The following ENTREP2 variants were observed in gnomAD, a reference collection of about 807,000 sequenced individuals.
ENTREP2 encodes the protein protein ENTREP2.
At chr15:29,540,504 T>C in the ENTREP2 span, among the ~76,000 whole-genome samples, 1 of 152,176 alleles carries the variant, frequency 6.6e-6, no homozygotes, top group Non-Finnish European at 1.5e-5. Flanking sequence ...TTCTTAGGCA[T>C]CACACAAGAG....
At chr15:29,562,989 G>A in the ENTREP2 span, among the ~76,000 whole-genome samples, 1 of 151,926 alleles carries the variant, frequency 6.6e-6, no homozygotes, top group East Asian at 1.9e-4. Flanking sequence ...ACAGGGTTTT[G>A]CCACGTTGTC....
At chr15:29,125,540 C>T in the ENTREP2 span, among the ~76,000 whole-genome samples, 3 of 152,196 alleles carry the variant, frequency 2.0e-5, no homozygotes, top group African/African-American at 7.2e-5. Flanking sequence ...TGAGCCAGGA[C>T]CCACTGCGCC....
At chr15:29,522,961 G>A in the ENTREP2 span, among the ~76,000 whole-genome samples, 1 of 152,186 alleles carries the variant, frequency 6.6e-6, no homozygotes, top group Non-Finnish European at 1.5e-5. Flanking sequence ...TGAAACGTCT[G>A]TAGGTCCTTT....
chr15:29,620,731 T>C, the ENTREP2 span, among the ~76,000 whole-genome samples: 2 of 151,890 alleles, frequency 1.3e-5, no homozygotes, highest in East Asian at 3.9e-4. Flanking sequence ...GAAGAAGGAG[T>C]TCATGGAAAC....
chr15:29,580,879 T>C, the ENTREP2 span, among the ~76,000 whole-genome samples: 2 of 152,220 alleles, frequency 1.3e-5, no homozygotes. Context: ...TATATTGATG[T>C]CTTAAAATTA....
At chr15:29,135,222 A>G in the ENTREP2 span, among the ~76,000 whole-genome samples, 1 of 151,314 alleles carries the variant, frequency 6.6e-6, no homozygotes, top group East Asian at 1.9e-4. The surrounding 1 kb of genome is among the most constrained non-coding windows in gnomAD (Gnocchi z 7.4). Context: ...GGCCTCCAGG[A>G]CCTCCTTGGC....
At chr15:29,384,290 A>G in the ENTREP2 span, among the ~76,000 whole-genome samples, 1 of 151,988 alleles carries the variant, frequency 6.6e-6, no homozygotes, top group African/African-American at 2.4e-5. Context: ...TAATGCCATC[A>G]TGTTTTGAGC....
the ENTREP2 span, among the ~76,000 whole-genome samples, chr15:29,545,806 C>G: frequency 2.6e-5 from 4 of 152,208 alleles, no homozygotes; most frequent in East Asian, 7.7e-4. Context: ...AATCTAACCT[C>G]TAGTACTATG....
At chr15:29,347,910 T>TTGTATTGG in the ENTREP2 span, among the ~76,000 whole-genome samples, 16 of 152,288 alleles carry the variant, frequency 1.1e-4, no homozygotes, top group Admixed American at 2.6e-4. Flanking sequence ...GCCCAGAGCC[T>TTGTATTGG]TGTATTGGGA....
the ENTREP2 span, among the ~76,000 whole-genome samples, chr15:29,509,116 C>T: frequency 6.6e-6 from 1 of 152,106 alleles, no homozygotes; most frequent in South Asian, 2.1e-4. Context: ...AATAGACAAA[C>T]AGAGAGCCAA....
the ENTREP2 span, among the ~76,000 whole-genome samples, chr15:29,405,290 G>C: frequency 3.3e-5 from 5 of 152,090 alleles, no homozygotes; most frequent in Middle Eastern, 3.4e-3. Context: ...TCAGGAGGCT[G>C]AGGCAGGTGA....
chr15:29,139,500 A>G, the ENTREP2 span, among the ~76,000 whole-genome samples: 2 of 152,232 alleles, frequency 1.3e-5, no homozygotes, highest in Non-Finnish European at 2.9e-5. Context: ...CAGAAATTAG[A>G]AAAAATATCA....
At chr15:29,339,797 A>T in the ENTREP2 span, among the ~76,000 whole-genome samples, 11 of 152,248 alleles carry the variant, frequency 7.2e-5, no homozygotes, top group African/African-American at 2.7e-4. Context: ...TTCCCGTTTA[A>T]TAAACTGCTT....
the ENTREP2 span, among the ~76,000 whole-genome samples, chr15:29,477,993 C>CTATATATATATA: frequency 1.2e-5 from 1 of 86,068 alleles, no homozygotes; most frequent in African/African-American, 5.1e-5. Flanking sequence ...TTAAATTTAA[C>CTATATATATATA]TATATATATA....
the ENTREP2 span, among the ~76,000 whole-genome samples, chr15:29,229,355 A>C: frequency 6.6e-6 from 1 of 152,090 alleles, no homozygotes; most frequent in African/African-American, 2.4e-5. Flanking sequence ...TGAACACACA[A>C]TCTTTCTATT....
At chr15:29,395,634 C>A in the ENTREP2 span, among the ~76,000 whole-genome samples, 1 of 151,474 alleles carries the variant, frequency 6.6e-6, no homozygotes, top group Non-Finnish European at 1.5e-5. Context: ...CTCAAGCAAT[C>A]CTCCCTGCTC....
At chr15:29,234,213 G>A in the ENTREP2 span, 8 of 1,609,584 alleles carry the variant, frequency 5.0e-6, no homozygotes, top group South Asian at 1.1e-5. Flanking sequence ...AGGCTCAAAC[G>A]CTTAACTGGT....
chr15:29,284,272 T>G, the ENTREP2 span, among the ~76,000 whole-genome samples: 21 of 152,050 alleles, frequency 1.4e-4, no homozygotes, highest in African/African-American at 4.3e-4. Context: ...ATAACCAGTC[T>G]AGGGGCCGGG....
the ENTREP2 span, among the ~76,000 whole-genome samples, chr15:29,222,061 C>T: frequency 6.6e-6 from 1 of 152,138 alleles, no homozygotes; most frequent in African/African-American, 2.4e-5. Context: ...TAAAATAAGG[C>T]TGAGACCTAC....
Sources: gnomAD v4.1 joint callset for allele counts (sites outside exome capture counted in the v4.1 genomes callset) on GRCh38, gnomAD v4.1.1 for gene constraint, Gnocchi (gnomAD v3.1) non-coding constraint, MANE v1.5 for transcripts, NCBI Gene and HGNC (gene_info 2026-07-23, HGNC 2026-07-21) for gene names.